Variants in ASH1L observed in about 807,000 individuals in gnomAD.
The protein encoded by ASH1L is histone-lysine N-methyltransferase ASH1L.
Under a neutral mutation model 269.0 loss-of-function variants are expected in ASH1L, and 23 were observed. The ratio of observed to expected loss-of-function variants is 0.09; its 90% CI spans 0.06 to 0.12. ASH1L has a LOEUF of 0.12. Among genes scored for constraint, ASH1L ranks in the 10% least tolerant of loss-of-function variants. The pLI, the probability that ASH1L is intolerant of heterozygous loss-of-function variation, is 1.00. For missense variants in ASH1L, 2,912 were observed against 3,567.8 expected (o/e 0.82, Z 4.68); for synonymous variants, 1,187 against 1,253.5 (o/e 0.95, Z 1.12).
At chr1:155,433,727 A>AC in intron 5 of ASH1L, 1 of 1,601,366 alleles carries the variant, frequency 6.2e-7, no homozygotes, top group Non-Finnish European at 8.5e-7. Flanking sequence ...CAGCCAAACG[A>AC]CCATCTGCCG....
At chr1:155,390,251 A>T (rs935579118) in intron 7 of ASH1L, among the ~76,000 whole-genome samples, 2 of 152,202 alleles carry the variant, frequency 1.3e-5, no homozygotes, top group African/African-American at 4.8e-5. Context: ...TAATTTAGAT[A>T]AAATGGACAA....
At chr1:155,391,965 GAAAT>G (rs1359363642) in intron 7 of ASH1L, among the ~76,000 whole-genome samples, 3 of 151,856 alleles carry the variant, frequency 2.0e-5, no homozygotes, top group African/African-American at 7.3e-5. Context: ...CAAAAAAATA[GAAAT>G]AAAAATAAAA....
intron 2 of ASH1L, among the ~76,000 whole-genome samples, chr1:155,508,170 T>A (rs1212776545): frequency 6.6e-6 from 1 of 152,214 alleles, no homozygotes; most frequent in Non-Finnish European, 1.5e-5. Context: ...CCATCTCTAC[T>A]TTCACTTTCT....
chr1:155,518,822 A>G (rs550387346), intron 2 of ASH1L, among the ~76,000 whole-genome samples: 67 of 148,740 alleles, frequency 4.5e-4, no homozygotes, highest in Non-Finnish European at 9.1e-4. Flanking sequence ...GGAAGGAAGA[A>G]AGAAAAGAAG....
At chr1:155,344,104 C>A (rs1653032673) in intron 22 of ASH1L, 79 bp downstream of exon 22, 1 of 1,274,022 alleles carries the variant, frequency 7.8e-7, no homozygotes, top group African/African-American at 1.5e-5. Context: ...GAGACAATGA[C>A]TATGATGGAG....
At chr1:155,349,743 G>A in intron 17 of ASH1L, 147 bp from the exon 18 acceptor site, 1 of 744,892 alleles carries the variant, frequency 1.3e-6, no homozygotes, top group Non-Finnish European at 2.0e-6. Flanking sequence ...TTGAGACAGA[G>A]TCTCACTCTT....
rs753661652 is a variant in ASH1L, at chr1:155,537,043, C to CA, written c.-99-15426dup. 9.5e-3 allele frequency among the ~76,000 whole-genome samples: 754 copies of CA among 79,600 alleles called. 3 individuals are homozygous for CA. The highest frequency in any genetic ancestry group is 0.024 in the African/African-American group (484 of 20,556). 52.2% of individuals were successfully genotyped at this position (79,600 alleles called of 152,430 possible). ...CTGGCGACAGAGCAAGACTCTGTCT[C>CA]AAAAAAAAAAAAAGGGAAAAAAGAA... On this transcript the variant is annotated intron_variant, in intron 1 of 27. Transcript: ENST00000392403.
chr1:155,489,882 C>G (rs529459425), intron 2 of ASH1L, among the ~76,000 whole-genome samples: 6 of 151,902 alleles, frequency 3.9e-5, no homozygotes, highest in Non-Finnish European at 8.8e-5. Context: ...CATACTTGTT[C>G]AATTACTTCC....
intron 5 of ASH1L, chr1:155,433,770 T>C (rs1355275943): frequency 6.2e-6 from 10 of 1,604,828 alleles, no homozygotes; most frequent in Middle Eastern, 1.6e-4. Context: ...TTCAAGAACA[T>C]GTGTAAGCTG....
At chr1:155,458,884 T>TA (rs111537079) in intron 4 of ASH1L, among the ~76,000 whole-genome samples, 8,401 of 151,614 alleles carry the variant, frequency 0.055, 785 homozygotes, top group African/African-American at 0.2. Flanking sequence ...ATTAATACAT[T>TA]AAAAAAATTA....
At chr1:155,376,861 A>G (rs1656496168) in intron 10 of ASH1L, among the ~76,000 whole-genome samples, 1 of 150,934 alleles carries the variant, frequency 6.6e-6, no homozygotes, top group Non-Finnish European at 1.5e-5. Context: ...TCTCAGAAAA[A>G]GAAAAAAAAA....
chr1:155,478,193 T>C lies in ASH1L; in HGVS notation c.4677A>G (p.Arg1559=). The part of the protein sequence containing the change: ...LINREEQWVH[R]EPSESSPLAL... Reference sequence around the variant, plus strand: ...CCAATGGACTAGATTCTGAAGGCTCTCGGTGGACCCACTGTTCCTCTCTGT... The same window carrying C: ...CCAATGGACTAGATTCTGAAGGCTCCCGGTGGACCCACTGTTCCTCTCTGT... The change falls in exon 3 of 28, where the codon CGA becomes CGG. Residue 1559 remains arginine, a synonymous_variant. Coordinates refer to ENST00000392403, the MANE Select transcript of ASH1L (RefSeq NM_018489.3). The surrounding 1 kb of genome is among the most constrained non-coding windows in gnomAD (Gnocchi z 4.6). 2 of 1,614,172 alleles carry C rather than the reference T, an allele frequency of 1.2e-6. No homozygotes were observed. Among genetic ancestry groups the C allele is most frequent in the Non-Finnish European group, 1.7e-6 (2 of 1,180,044 alleles).
intron 6 of ASH1L, among the ~76,000 whole-genome samples, 193 bp downstream of exon 6, chr1:155,415,550 TC>T (rs923931469): frequency 7.2e-5 from 11 of 152,100 alleles, no homozygotes; most frequent in African/African-American, 2.4e-4. Context: ...TGTACTGATT[TC>T]CCCCCACATC....
At chr1:155,374,637 T>C (rs1477027216) in intron 10 of ASH1L, among the ~76,000 whole-genome samples, 1 of 152,202 alleles carries the variant, frequency 6.6e-6, no homozygotes, top group African/African-American at 2.4e-5. Flanking sequence ...TTGAAATGCC[T>C]TCCTTTTTTG....
chr1:155,485,325 A>T (rs867322390), intron 2 of ASH1L, among the ~76,000 whole-genome samples: 17 of 147,940 alleles, frequency 1.1e-4, no homozygotes, highest in Middle Eastern at 3.2e-3. Flanking sequence ...TTTTATTTTT[A>T]TTTTTTTTTA....
chr1:155,401,782 T>C (rs1265929753), intron 6 of ASH1L, among the ~76,000 whole-genome samples: 2 of 149,348 alleles, frequency 1.3e-5, no homozygotes, highest in African/African-American at 5.0e-5. Context: ...AGTGAGACTC[T>C]AAGAAAAAAA....
intron 4 of ASH1L, among the ~76,000 whole-genome samples, chr1:155,450,913 C>G (rs1663412643): frequency 6.6e-6 from 1 of 151,892 alleles, no homozygotes; most frequent in Admixed American, 6.6e-5. Flanking sequence ...ATGGATAAAC[C>G]CTGTCTGGGT....
rs574078740 is a variant in ASH1L, at chr1:155,402,903, G to A, written c.6009-7350C>T. Among the ~76,000 whole-genome samples, 4 of 149,196 alleles carry A rather than the reference G, an allele frequency of 2.7e-5. No homozygotes were observed. The South Asian group carries it at 8.5e-4, about 32-fold the overall frequency. On this transcript the variant is annotated intron_variant, in intron 6 of 27. Transcript: ENST00000392403. Reference sequence around the variant, plus strand: ...TTTTCAGCATAAAAAGACATTGAAGGCCGGGTATGGTTGCCTGTAATCCCA... The same window carrying A: ...TTTTCAGCATAAAAAGACATTGAAGACCGGGTATGGTTGCCTGTAATCCCA...
intron 3 of ASH1L, among the ~76,000 whole-genome samples, chr1:155,469,822 C>T (rs931495892): frequency 1.3e-5 from 2 of 152,200 alleles, no homozygotes; most frequent in African/African-American, 4.8e-5. Context: ...TATCACACTG[C>T]TGTCAATGTA....
Sources: gnomAD v4.1 joint callset for allele counts (sites outside exome capture counted in the v4.1 genomes callset) on GRCh38, gnomAD v4.1.1 for gene constraint, Gnocchi (gnomAD v3.1) non-coding constraint, MANE v1.5 for transcripts, NCBI Gene and HGNC (gene_info 2026-07-23, HGNC 2026-07-21) for gene names.